ARL6IP5: variants seen among roughly 807,000 people sequenced by gnomAD.
ARL6IP5 encodes ARF like GTPase 6 interacting protein 5.
A neutral mutation model predicts 13.0 loss-of-function variants in ARL6IP5; 6 were observed. The observed-to-expected ratio is 0.46, with a 90% confidence interval of 0.25 to 0.91. The LOEUF (loss-of-function observed/expected upper bound fraction) is 0.91. ARL6IP5 is among the 40% of genes least tolerant of loss of function. The pLI is 0.17. For synonymous variants in ARL6IP5, 91 were observed against 91.9 expected (o/e 0.99, Z 0.06); for missense variants, 208 against 248.8 (o/e 0.84, Z 1.10).
chr3:69,093,332 T>G (rs2092275480), intron 1 of ARL6IP5, among the ~76,000 whole-genome samples: 1 of 152,162 alleles, frequency 6.6e-6, no homozygotes, highest in Non-Finnish European at 1.5e-5. Context: ...CCTAATTCAG[T>G]TGGTTAGGAA....
At chr3:69,089,637 T>TAAA (rs35599045) in intron 1 of ARL6IP5, among the ~76,000 whole-genome samples, 46 of 132,446 alleles carry the variant, frequency 3.5e-4, no homozygotes, top group African/African-American at 1.1e-3. Flanking sequence ...AAACCCTGTC[T>TAAA]AAAAAAAAAA....
intron 1 of ARL6IP5, among the ~76,000 whole-genome samples, chr3:69,092,180 T>C (rs1045709521): frequency 6.6e-6 from 1 of 152,216 alleles, no homozygotes; most frequent in Non-Finnish European, 1.5e-5. Context: ...GCATTCATCA[T>C]TGATATATGA....
At position 69,104,910 on chromosome 3, in the gene ARL6IP5, G is replaced by C. The variant is rs2092318003; in HGVS notation, c.*274G>C. On this transcript the variant is annotated 3_prime_UTR_variant, in exon 3 of 3. Coordinates refer to ENST00000273258, the MANE Select transcript of ARL6IP5 (RefSeq NM_006407.4). ...GAAATGGATCACACGATTTCTTTAA[G>C]GGAATTAAAAAAAATAAAAGAATTA... The C allele has an allele frequency of 1.4e-6, 1 of 696,084 alleles. No individual in the cohort carries two copies. Among genetic ancestry groups the C allele is most frequent in the East Asian group, 2.7e-5 (1 of 37,126 alleles). 43.1% of individuals were successfully genotyped at this position (696,084 alleles called of 1,614,324 possible). A position where few individuals can be genotyped will look rare whatever the true frequency, so the allele number is the denominator to read the frequency against.
Position 69,095,811 on chromosome 3 carries a change from G to A in ARL6IP5, c.177-6028G>A, listed in dbSNP as rs115863750. ...CACCCAGCCCTCTTTCTTACTCTAG[G>A]ACTATCAGTAAGTGAAACTCCACCC... is the stretch of plus-strand genomic sequence containing the variant. On this transcript the variant is annotated intron_variant, in intron 1 of 2. Coordinates refer to ENST00000273258, the MANE Select transcript of ARL6IP5 (RefSeq NM_006407.4). 3.2e-3 allele frequency among the ~76,000 whole-genome samples: 491 copies of A among 152,192 alleles called. 1 individual carries two copies. Among genetic ancestry groups the A allele is most frequent in the African/African-American group, 0.011 (455 of 41,508 alleles).
At position 69,103,833 on chromosome 3, in the gene ARL6IP5, C is replaced by T. The variant is rs567698899; in HGVS notation, c.395-631C>T. On this transcript the variant is annotated intron_variant, in intron 2 of 2. Coordinates refer to ENST00000273258, the MANE Select transcript of ARL6IP5 (RefSeq NM_006407.4). ...GGGTTACCTGTTTAAAATACAGATT[C>T]CCAGGCCTGTCTCTTTAAGGCTCAG... Among the ~76,000 whole-genome samples the T allele has an allele frequency of 4.6e-5, 7 of 152,192 alleles. 1 individual carries two copies. In the South Asian group the frequency reaches 1.5e-3, roughly 32 times the overall value.
At chr3:69,098,089 T>A (rs1575862274) in intron 1 of ARL6IP5, among the ~76,000 whole-genome samples, 1 of 152,034 alleles carries the variant, frequency 6.6e-6, no homozygotes, top group East Asian at 1.9e-4. Flanking sequence ...ATTTCTTTTT[T>A]TTTTGGAAAC....
At chr3:69,093,399 A>G (rs988076793) in intron 1 of ARL6IP5, among the ~76,000 whole-genome samples, 1 of 152,164 alleles carries the variant, frequency 6.6e-6, no homozygotes, top group East Asian at 1.9e-4. Context: ...AGTTTTACCT[A>G]CTGTACAGTC....
intron 1 of ARL6IP5, among the ~76,000 whole-genome samples, chr3:69,101,497 A>ATTT (rs920706643): frequency 4.0e-5 from 6 of 151,104 alleles, no homozygotes; most frequent in African/African-American, 1.5e-4. Context: ...TAATTTTCAT[A>ATTT]TTTTTGTAGA....
At chr3:69,096,093 G>A (rs1316764603) in intron 1 of ARL6IP5, among the ~76,000 whole-genome samples, 2 of 152,206 alleles carry the variant, frequency 1.3e-5, no homozygotes, top group Non-Finnish European at 2.9e-5. Context: ...GGGCATTGGA[G>A]TGGTATACAT....
chr3:69,085,687 G>T (rs1472538453), intron 1 of ARL6IP5, among the ~76,000 whole-genome samples: 1 of 152,168 alleles, frequency 6.6e-6, no homozygotes, highest in Non-Finnish European at 1.5e-5. Context: ...GACGCACTTT[G>T]CTGCTTTCTC....
intron 2 of ARL6IP5, chr3:69,102,343 T>C: frequency 2.3e-6 from 1 of 430,148 alleles, no homozygotes; most frequent in Non-Finnish European, 4.3e-6. Context: ...GTCTACTCTG[T>C]CACCCACGCT....
At chr3:69,097,911 T>G (rs764813211) in intron 1 of ARL6IP5, among the ~76,000 whole-genome samples, 14 of 152,180 alleles carry the variant, frequency 9.2e-5, no homozygotes, top group Non-Finnish European at 1.5e-4. Context: ...GAAATTCCAT[T>G]AATGTTGTTG....
At chr3:69,098,097 AAC>A (rs1381218771) in intron 1 of ARL6IP5, among the ~76,000 whole-genome samples, 3 of 151,500 alleles carry the variant, frequency 2.0e-5, no homozygotes, top group Non-Finnish European at 2.9e-5. Flanking sequence ...TTTTTTTGGA[AAC>A]AGAGTCTCAC....
At chr3:69,094,207 G>A (rs1409723136) in intron 1 of ARL6IP5, among the ~76,000 whole-genome samples, 2 of 152,178 alleles carry the variant, frequency 1.3e-5, no homozygotes, top group Non-Finnish European at 2.9e-5. Flanking sequence ...AGCCCTGAGA[G>A]TTCCCTCATG....
intron 1 of ARL6IP5, among the ~76,000 whole-genome samples, chr3:69,098,137 C>T (rs995777914): frequency 4.6e-5 from 7 of 151,002 alleles, no homozygotes; most frequent in Non-Finnish European, 1.0e-4. Context: ...AGTGCAGTGG[C>T]GCAATCTCGG....
intron 1 of ARL6IP5, among the ~76,000 whole-genome samples, chr3:69,085,886 T>G (rs2092246087): frequency 6.6e-6 from 1 of 152,142 alleles, no homozygotes; most frequent in Non-Finnish European, 1.5e-5. Flanking sequence ...AGCCTGAGGT[T>G]TCAATGTATC....
intron 1 of ARL6IP5, among the ~76,000 whole-genome samples, chr3:69,092,473 G>GTTTGT (rs1360473256): frequency 1.3e-5 from 2 of 152,086 alleles, no homozygotes; most frequent in Non-Finnish European, 2.9e-5. Context: ...AGTAGCTTTT[G>GTTTGT]TTTGTTTTGT....
Position 69,105,136 on chromosome 3 carries a change from C to A in ARL6IP5, c.*500C>A. 2.4e-6 allele frequency: 1 copy of A among 421,590 alleles called. No individual in the cohort carries two copies. The highest frequency in any genetic ancestry group is 4.2e-6 in the Non-Finnish European group (1 of 236,844). 26.1% of individuals were successfully genotyped at this position (421,590 alleles called of 1,614,324 possible). A position where few individuals can be genotyped will look rare whatever the true frequency, so the allele number is the denominator to read the frequency against. ...TAAAAATCAAAGATGATCTCTATCA[C>A]TTTGCCACCTGTTTGATGTGCAGTG... On this transcript the variant is annotated 3_prime_UTR_variant, in exon 3 of 3. Coordinates refer to ENST00000273258, the MANE Select transcript of ARL6IP5 (RefSeq NM_006407.4).
chr3:69,101,789 C>T (rs778172947), intron 1 of ARL6IP5, 50 bp from the exon 2 acceptor site: 3 of 1,477,576 alleles, frequency 2.0e-6, no homozygotes, highest in Admixed American at 1.9e-5. Flanking sequence ...CCTTTTGCTA[C>T]TTCTATTGCT....
Sources: allele counts gnomAD v4.1 joint callset (sites outside exome capture counted in the v4.1 genomes callset), GRCh38; gene constraint gnomAD v4.1.1; transcripts MANE v1.5; gene names NCBI Gene and HGNC (gene_info 2026-07-23, HGNC 2026-07-21).